CFTR: variants seen among roughly 807,000 people sequenced by gnomAD.
The protein encoded by CFTR is cystic fibrosis transmembrane conductance regulator.
In CFTR, 181 loss-of-function variants were observed where a neutral mutation model predicts 171.6. The ratio of observed to expected loss-of-function variants is 1.05; its 90% CI spans 0.93 to 1.19. CFTR has a LOEUF of 1.19. CFTR is among the 50% of genes most tolerant of loss of function. CFTR has a pLI of 0.00. For missense variants in CFTR, 1,968 were observed against 1,734.7 expected (o/e 1.13, Z -2.39); for synonymous variants, 583 against 608.0 (o/e 0.96, Z 0.60).
At chr7:117,574,150 T>G (rs192751455) in intron 11 of CFTR, among the ~76,000 whole-genome samples, 30 of 152,192 alleles carry the variant, frequency 2.0e-4, no homozygotes, top group Middle Eastern at 3.4e-3. Context: ...GCGCTCTTAG[T>G]AATCAGCAAA....
Position 117,540,251 on chromosome 7 carries a change from T to C in CFTR, c.1021T>C (p.Ser341Pro), listed in dbSNP as rs397508144. 6.2e-7 allele frequency: 1 copy of C among 1,614,106 alleles called. No homozygotes were observed. The highest frequency in any genetic ancestry group is 8.5e-7 in the Non-Finnish European group (1 of 1,179,962). The stretch of plus-strand genomic sequence containing the variant: ...CCTCCGGAAAATATTCACCACCATC[T>C]CATTCTGCATTGTTCTGCGCATGGC... ...IILRKIFTTISFCIVLRMAVT... is the reference protein window; with the variant it reads ...IILRKIFTTIPFCIVLRMAVT... Residue 341 changes from serine (S) to proline (P), a missense_variant, in exon 8 of 27, where the codon TCA (serine) becomes CCA (proline). By Grantham distance (74) the Ser-to-Pro change is moderately conservative. Transcript: ENST00000003084.
Position 117,652,830 on chromosome 7 carries a change from T to C in CFTR, c.3874-12T>C. The C allele has an allele frequency of 7.8e-7, 1 of 1,288,996 alleles. No individual in the cohort carries two copies. Among genetic ancestry groups the C allele is most frequent in the Non-Finnish European group, 1.1e-6 (1 of 888,934 alleles). 79.8% of individuals were successfully genotyped at this position (1,288,996 alleles called of 1,614,324 possible). Reference sequence around the variant, plus strand: ...TATTCATACTTTCTTCTTCTTTTCTTTTTTGCTATAGAAAGTATTTATTTT... The same window carrying C: ...TATTCATACTTTCTTCTTCTTTTCTCTTTTGCTATAGAAAGTATTTATTTT... On this transcript the variant is annotated splice_polypyrimidine_tract_variant and intron_variant, in intron 23 of 26. Transcript: ENST00000003084.
intron 18 of CFTR, among the ~76,000 whole-genome samples, chr7:117,609,787 A>C (rs959945581): frequency 1.3e-5 from 2 of 152,194 alleles, no homozygotes; most frequent in African/African-American, 2.4e-5. Context: ...TTTTAAATTA[A>C]TATTCACTTA....
intron 1 of CFTR, among the ~76,000 whole-genome samples, chr7:117,501,222 A>G (rs142934497): frequency 5.3e-5 from 8 of 152,218 alleles, no homozygotes; most frequent in Middle Eastern, 3.4e-3. Flanking sequence ...CCTTTTTACT[A>G]AATGTTCTAC....
At chr7:117,528,725 C>A (rs1337602309) in intron 3 of CFTR, among the ~76,000 whole-genome samples, 1 of 101,678 alleles carries the variant, frequency 9.8e-6, no homozygotes, top group Admixed American at 1.2e-4. Context: ...AGACACTACT[C>A]AAAAGAAGAC....
intron 21 of CFTR, among the ~76,000 whole-genome samples, chr7:117,624,308 T>C (rs1318301960): frequency 6.6e-6 from 1 of 152,116 alleles, no homozygotes; most frequent in African/African-American, 2.4e-5. Flanking sequence ...GCACTGATGT[T>C]CCTATGTGAC....
At chr7:117,548,165 T>C (rs568601018) in intron 9 of CFTR, among the ~76,000 whole-genome samples, 3 of 152,298 alleles carry the variant, frequency 2.0e-5, no homozygotes, top group Admixed American at 6.5e-5. Flanking sequence ...ACCAGTGTGA[T>C]GGAGTAGAAT....
chr7:117,485,555 G>A (rs35855138), intron 1 of CFTR, among the ~76,000 whole-genome samples: 2,287 of 152,260 alleles, frequency 0.015, 59 homozygotes, highest in African/African-American at 0.052. Context: ...TAGCATTACA[G>A]AGTGGCTTTA....
chr7:117,612,754 C>T (rs1792426883), intron 20 of CFTR, among the ~76,000 whole-genome samples: 1 of 152,092 alleles, frequency 6.6e-6, no homozygotes, highest in African/African-American at 2.4e-5. Context: ...CTGCAACAGG[C>T]ACAAGAGAGT....
chr7:117,609,226 T>G (rs1157536381), intron 18 of CFTR, among the ~76,000 whole-genome samples: 2 of 152,204 alleles, frequency 1.3e-5, no homozygotes, highest in African/African-American at 4.8e-5. Context: ...TAGTGAAAAT[T>G]GAAAATCTTG....
intron 11 of CFTR, chr7:117,560,616 T>C (rs1243845821): frequency 6.6e-6 from 1 of 152,118 alleles, no homozygotes; most frequent in Non-Finnish European, 1.5e-5. Context: ...CATGAATGGC[T>C]TTCCATGTAT....
intron 13 of CFTR, 104 bp from the exon 14 acceptor site, chr7:117,591,830 A>G (rs914140331): frequency 8.9e-6 from 6 of 675,400 alleles, no homozygotes; most frequent in African/African-American, 1.8e-5. Context: ...AAATTGTATG[A>G]TAGAGATTAT....
intron 3 of CFTR, among the ~76,000 whole-genome samples, chr7:117,522,583 T>C (rs1241955849): frequency 3.9e-5 from 6 of 152,222 alleles, no homozygotes; most frequent in African/African-American, 1.4e-4. Context: ...TAAACTATTT[T>C]ATTAAATATC....
At chr7:117,523,781 G>A (rs1798723945) in intron 3 of CFTR, among the ~76,000 whole-genome samples, 2 of 152,200 alleles carry the variant, frequency 1.3e-5, no homozygotes, top group South Asian at 4.1e-4. Flanking sequence ...AAATAAGTCT[G>A]TTGTGGTAGG....
intron 23 of CFTR, among the ~76,000 whole-genome samples, chr7:117,648,508 C>T (rs1245323232): frequency 6.6e-6 from 1 of 152,024 alleles, no homozygotes; most frequent in Non-Finnish European, 1.5e-5. Flanking sequence ...ACATATATGG[C>T]ATTAAATAAA....
chr7:117,493,842 AATC>A (rs1166715916), intron 1 of CFTR, among the ~76,000 whole-genome samples: 1 of 152,064 alleles, frequency 6.6e-6, no homozygotes, highest in Non-Finnish European at 1.5e-5. Flanking sequence ...GAAAGTGGGA[AATC>A]AGCTGCCACT....
At chr7:117,621,673 C>T (rs1792583194) in intron 21 of CFTR, among the ~76,000 whole-genome samples, 3 of 152,158 alleles carry the variant, frequency 2.0e-5, no homozygotes, top group Non-Finnish European at 2.9e-5. Context: ...AGAGAAAAAT[C>T]ATATTAAAAT....
chr7:117,652,267 A>G (rs1793099850), intron 23 of CFTR, among the ~76,000 whole-genome samples: 1 of 152,150 alleles, frequency 6.6e-6, no homozygotes, highest in African/African-American at 2.4e-5. Context: ...TCTTCCACTG[A>G]TTTCTAAGTT....
chr7:117,550,288 G>C (rs946678776), intron 10 of CFTR, among the ~76,000 whole-genome samples: 1 of 147,100 alleles, frequency 6.8e-6, no homozygotes, highest in Non-Finnish European at 1.5e-5. Context: ...GCTGCAGTGA[G>C]CCATGATTGC....
Sources: gnomAD v4.1 joint callset for allele counts (sites outside exome capture counted in the v4.1 genomes callset) on GRCh38, gnomAD v4.1.1 for gene constraint, MANE v1.5 for transcripts, NCBI Gene and HGNC (gene_info 2026-07-23, HGNC 2026-07-21) for gene names.